PDK1: variants seen among roughly 807,000 people sequenced by gnomAD.
PDK1 encodes the protein pyruvate dehydrogenase kinase 1, also known as [Pyruvate dehydrogenase (acetyl-transferring)] kinase isozyme 1, mitochondrial.
PDK1 carries 39 observed loss-of-function variants against 54.2 expected under a neutral mutation model. The ratio of observed to expected loss-of-function variants is 0.72; its 90% confidence interval spans 0.56 to 0.94. PDK1 has a LOEUF of 0.94. Among genes scored for constraint, PDK1 ranks in the 40% least tolerant of loss-of-function variants. PDK1 has a pLI of 0.00. For missense variants in PDK1, 552 were observed against 566.0 expected, an observed-to-expected ratio of 0.98 and a Z score of 0.25; for synonymous variants, 221 against 207.1, an observed-to-expected ratio of 1.07 and a Z score of -0.58.
chr2:172,670,695 G>A, the PDK1 span, among the ~76,000 whole-genome samples: 1 of 152,052 alleles, frequency 6.6e-6, no homozygotes, highest in Non-Finnish European at 1.5e-5. Context: ...AATCAATATT[G>A]CAATGATTGC....
At chr2:172,563,570 A>C (rs1206793760) in intron 3 of PDK1, among the ~76,000 whole-genome samples, 1 of 152,226 alleles carries the variant, frequency 6.6e-6, no homozygotes, top group African/African-American at 2.4e-5. Context: ...ACGGTGGCTC[A>C]CGCCTGTAAT....
chr2:172,642,619 A>T, the PDK1 span, among the ~76,000 whole-genome samples: 1 of 152,142 alleles, frequency 6.6e-6, no homozygotes, highest in African/African-American at 2.4e-5. Flanking sequence ...GAGAGCTTTG[A>T]GCCAGCGAGA....
At chr2:172,665,330 C>G in the PDK1 span, among the ~76,000 whole-genome samples, 5 of 152,186 alleles carry the variant, frequency 3.3e-5, no homozygotes, top group African/African-American at 1.2e-4. Context: ...GGATCCTTCA[C>G]AAGCTTCCCT....
chr2:172,566,712 A>G, intron 5 of PDK1, 144 bp from the exon 6 acceptor site: 1 of 473,072 alleles, frequency 2.1e-6, no homozygotes, highest in African/African-American at 2.0e-5. Context: ...AAAAAAAAAA[A>G]GCAGACTTTC....
At chr2:172,580,206 C>G (rs958735213) in intron 8 of PDK1, among the ~76,000 whole-genome samples, 18 of 146,852 alleles carry the variant, frequency 1.2e-4, no homozygotes, top group African/African-American at 4.5e-4. Context: ...GCGATGCCAT[C>G]TGTTTGCTGT....
chr2:172,709,245 C>T, the PDK1 span, among the ~76,000 whole-genome samples: 1 of 152,200 alleles, frequency 6.6e-6, no homozygotes, highest in Non-Finnish European at 1.5e-5. Flanking sequence ...ACCATCTCTC[C>T]TCACAACTTG....
intron 3 of PDK1, among the ~76,000 whole-genome samples, chr2:172,563,279 C>T (rs1469113493): frequency 6.6e-6 from 1 of 151,954 alleles, no homozygotes; most frequent in Non-Finnish European, 1.5e-5. Context: ...TTCTTTGAAG[C>T]AGAAAGAAAA....
the PDK1 span, among the ~76,000 whole-genome samples, chr2:172,671,459 A>G: frequency 1.3e-5 from 2 of 149,094 alleles, no homozygotes; most frequent in African/African-American, 4.8e-5. Context: ...TCTGTAAGTT[A>G]ATGCTTTTTT....
chr2:172,609,960 T>A (rs1192069687), downstream of PDK1, among the ~76,000 whole-genome samples: 1 of 152,112 alleles, frequency 6.6e-6, no homozygotes, highest in Non-Finnish European at 1.5e-5. Flanking sequence ...TAGCTGGGAC[T>A]ACAAGTGCCT....
intron 8 of PDK1, among the ~76,000 whole-genome samples, chr2:172,573,889 A>G (rs894606350): frequency 6.6e-6 from 1 of 152,094 alleles, no homozygotes; most frequent in African/African-American, 2.4e-5. Context: ...TTGGCCTCCC[A>G]CAGTGCTGGG....
chr2:172,720,763 G>A, the PDK1 span, among the ~76,000 whole-genome samples: 1 of 152,102 alleles, frequency 6.6e-6, no homozygotes, highest in African/African-American at 2.4e-5. Context: ...AGCTGTAATG[G>A]GTTTTCATCT....
At chr2:172,706,346 A>G in the PDK1 span, among the ~76,000 whole-genome samples, 1 of 150,404 alleles carries the variant, frequency 6.6e-6, no homozygotes, top group East Asian at 1.9e-4. Context: ...CATTTTTATG[A>G]TGATTACTTT....
the PDK1 span, among the ~76,000 whole-genome samples, chr2:172,695,647 T>C: frequency 6.6e-6 from 1 of 152,172 alleles, no homozygotes; most frequent in Admixed American, 6.5e-5. Context: ...TTGCATTATA[T>C]AAACCTCCAT....
chr2:172,635,950 A>G, the PDK1 span, among the ~76,000 whole-genome samples: 1 of 152,214 alleles, frequency 6.6e-6, no homozygotes. Flanking sequence ...ACCCAGTAAA[A>G]GCTGTGACCT....
At chr2:172,671,149 G>C in the PDK1 span, among the ~76,000 whole-genome samples, 1 of 150,628 alleles carries the variant, frequency 6.6e-6, no homozygotes, top group African/African-American at 2.4e-5. Context: ...GTTATTCTGA[G>C]TATCTTTTCT....
At chr2:172,700,530 A>G in the PDK1 span, among the ~76,000 whole-genome samples, 2 of 150,006 alleles carry the variant, frequency 1.3e-5, no homozygotes, top group East Asian at 2.0e-4. Context: ...CTGGGCGGCC[A>G]GGCAGAGAGG....
At chr2:172,714,270 T>C in the PDK1 span, among the ~76,000 whole-genome samples, 1 of 152,204 alleles carries the variant, frequency 6.6e-6, no homozygotes, top group South Asian at 2.1e-4. Context: ...TTTCAACATA[T>C]ACAATATAAT....
In PDK1 at chr2:172,558,941, C is replaced by G. The variant is rs1309266577; in HGVS notation, c.338+92C>G. ...GCTTTTTTTTACTCTTTGGTGGAAT[C>G]TTTTTTGTTTTGTTTTGTTTTGTTT... is the stretch of plus-strand genomic sequence containing the variant. On this transcript the variant is annotated intron_variant, in intron 2 of 10. Transcript: ENST00000282077. The G allele has an allele frequency of 9.2e-6, 12 of 1,299,342 alleles. No individual in the cohort carries two copies. The Admixed American group carries it at 2.6e-4, about 29-fold the overall frequency. The allele number at this position is 1,299,342 out of a possible 1,614,324, so 80.5% of individuals were successfully genotyped here.
the PDK1 span, among the ~76,000 whole-genome samples, chr2:172,626,364 A>G: frequency 6.6e-6 from 1 of 152,338 alleles, no homozygotes; most frequent in East Asian, 1.9e-4. Context: ...TTCTGTTGAC[A>G]TACTGGTATT....
Sources: gnomAD v4.1 joint callset for allele counts (sites outside exome capture counted in the v4.1 genomes callset) on GRCh38, gnomAD v4.1.1 for gene constraint, MANE v1.5 for transcripts, NCBI Gene and HGNC (gene_info 2026-07-23, HGNC 2026-07-21) for gene names.